CTNNA3: variants seen among roughly 807,000 people sequenced by gnomAD.
The protein encoded by CTNNA3 is catenin alpha 3.
CTNNA3 carries 76 observed loss-of-function variants against 95.7 expected under a neutral mutation model. The ratio of observed to expected loss-of-function variants is 0.79; its 90% CI spans 0.66 to 0.96. The LOEUF (loss-of-function observed/expected upper bound fraction) is 0.96. Among genes scored for constraint, CTNNA3 ranks in the 40% least tolerant of loss-of-function variants. The pLI, the probability that CTNNA3 is intolerant of heterozygous loss-of-function variation, is 0.00. For synonymous variants in CTNNA3, 431 were observed against 374.4 expected (o/e 1.15, Z -1.74); for missense variants, 1,191 against 1,089.8 (o/e 1.09, Z -1.31).
At chr10:66,745,957 A>G (rs1488014424) in intron 9 of CTNNA3, among the ~76,000 whole-genome samples, 1 of 152,086 alleles carries the variant, frequency 6.6e-6, no homozygotes, top group Non-Finnish European at 1.5e-5. Flanking sequence ...GACACACAAT[A>G]TTATCCATGA....
chr10:66,755,449 G>A lies in CTNNA3; in HGVS notation c.1281+10815C>T, dbSNP rs149393319. 1.3e-3 allele frequency among the ~76,000 whole-genome samples: 200 copies of A among 152,120 alleles called. 6 individuals carry two copies. The East Asian group carries it at 0.032, about 24-fold the overall frequency. On this transcript the variant is annotated intron_variant, in intron 9 of 17. Transcript: ENST00000433211. ...TTGTATAAAACATGACTTATATCTC[G>A]ATAATAGATATCTCAAAAAAGATCA...
intron 12 of CTNNA3, among the ~76,000 whole-genome samples, chr10:66,362,455 A>C (rs1419931517): frequency 6.6e-6 from 1 of 151,588 alleles, no homozygotes; most frequent in African/African-American, 2.4e-5. Context: ...GCATGCCTGT[A>C]ATCCCAGCAC....
intron 1 of CTNNA3, among the ~76,000 whole-genome samples, chr10:67,662,676 T>G (rs968339199): frequency 1.3e-5 from 2 of 152,176 alleles, no homozygotes; most frequent in Non-Finnish European, 2.9e-5. Flanking sequence ...AAAAACAGAT[T>G]GGTAGTTGCC....
intron 13 of CTNNA3, among the ~76,000 whole-genome samples, chr10:66,198,698 A>C (rs1349193355): frequency 6.6e-6 from 1 of 152,162 alleles, no homozygotes; most frequent in East Asian, 1.9e-4. Context: ...GCAAATATGA[A>C]ACAAAGAGAA....
chr10:66,570,039 T>C (rs1450627821), intron 10 of CTNNA3, among the ~76,000 whole-genome samples: 1 of 152,140 alleles, frequency 6.6e-6, no homozygotes, highest in Non-Finnish European at 1.5e-5. Flanking sequence ...TGTGCAGCCA[T>C]TAAGAATGAC....
At chr10:66,421,307 C>T (rs2132632174) in intron 11 of CTNNA3, among the ~76,000 whole-genome samples, 1 of 152,148 alleles carries the variant, frequency 6.6e-6, no homozygotes, top group South Asian at 2.1e-4. Flanking sequence ...TAAGTACAAA[C>T]ATGTAATTAG....
intron 12 of CTNNA3, among the ~76,000 whole-genome samples, chr10:66,331,259 G>T (rs1482864788): frequency 6.6e-6 from 1 of 150,944 alleles, no homozygotes; most frequent in Non-Finnish European, 1.5e-5. Context: ...TGTAAGGAAG[G>T]GATCCAGTTT....
chr10:66,189,238 T>A (rs950458015), intron 13 of CTNNA3, among the ~76,000 whole-genome samples: 8 of 150,940 alleles, frequency 5.3e-5, no homozygotes, highest in African/African-American at 2.0e-4. Flanking sequence ...CTCCCACTTG[T>A]TTGCTTCTCT....
chr10:66,714,612 G>A (rs1276714893), intron 9 of CTNNA3, among the ~76,000 whole-genome samples: 1 of 151,992 alleles, frequency 6.6e-6, no homozygotes, highest in Non-Finnish European at 1.5e-5. Context: ...TTTTTGAGCA[G>A]TGCTTCTTAA....
intron 1 of CTNNA3, among the ~76,000 whole-genome samples, chr10:67,661,849 G>A (rs3096247): frequency 0.13 from 20,402 of 152,118 alleles, 2,480 homozygotes; most frequent in African/African-American, 0.32. Context: ...CTCCACACAT[G>A]CTAGAATGGC....
chr10:67,245,612 T>A lies in CTNNA3; in HGVS notation c.580-25742A>T, dbSNP rs1397095612. ...TAGTGGCTCACGCCTGTAATCCCAG[T>A]GCTTTGGGAGGCCGAGGCGGGCGGA... On this transcript the variant is annotated intron_variant, in intron 5 of 17. Coordinates refer to ENST00000433211, the MANE Select transcript of CTNNA3 (RefSeq NM_013266.4). Among the ~76,000 whole-genome samples, 6 of 152,078 alleles carry A rather than the reference T, an allele frequency of 3.9e-5. No individual in the cohort carries two copies. In the East Asian group the frequency reaches 1.2e-3, roughly 29 times the overall value.
At chr10:67,126,171 G>A (rs1362719458) in intron 7 of CTNNA3, among the ~76,000 whole-genome samples, 3 of 152,154 alleles carry the variant, frequency 2.0e-5, no homozygotes, top group African/African-American at 7.2e-5. Context: ...GCTTAAAATA[G>A]TAAGGAATCT....
chr10:66,163,931 G>A (rs181375624), intron 13 of CTNNA3, among the ~76,000 whole-genome samples: 269 of 152,262 alleles, frequency 1.8e-3, no homozygotes, highest in Non-Finnish European at 2.2e-3. Flanking sequence ...AAGTACCATG[G>A]AAGTGTTTGC....
intron 7 of CTNNA3, among the ~76,000 whole-genome samples, chr10:67,051,962 C>T (rs995852418): frequency 3.3e-5 from 5 of 151,082 alleles, no homozygotes; most frequent in African/African-American, 1.2e-4. Context: ...ACCATGTTGG[C>T]CAGGCTGGTC....
At chr10:67,004,211 T>A (rs1243445794) in intron 7 of CTNNA3, among the ~76,000 whole-genome samples, 1 of 152,178 alleles carries the variant, frequency 6.6e-6, no homozygotes, top group African/African-American at 2.4e-5. Context: ...AAGGCCTGAA[T>A]TTTGATTTCT....
intron 6 of CTNNA3, among the ~76,000 whole-genome samples, chr10:67,208,815 TGAAA>T (rs66463713): frequency 0.048 from 7,333 of 152,212 alleles, 217 homozygotes; most frequent in South Asian, 0.11. Flanking sequence ...GTATTCCTTA[TGAAA>T]TTAATTAATC....
chr10:67,652,355 G>C (rs1839900551), intron 1 of CTNNA3, among the ~76,000 whole-genome samples: 1 of 152,072 alleles, frequency 6.6e-6, no homozygotes, highest in Non-Finnish European at 1.5e-5. Context: ...CATTTCTCAG[G>C]GATTCCCAAG....
At chr10:66,240,149 GC>G (rs1221832155) in intron 13 of CTNNA3, among the ~76,000 whole-genome samples, 1 of 151,806 alleles carries the variant, frequency 6.6e-6, no homozygotes. Context: ...ATTTATAGCT[GC>G]TTAGTAGGAA....
intron 3 of CTNNA3, among the ~76,000 whole-genome samples, chr10:67,604,414 T>C (rs571055619): frequency 6.6e-6 from 1 of 152,316 alleles, no homozygotes; most frequent in South Asian, 2.1e-4. Context: ...TTGAAAAAGA[T>C]AGTCCCCCTG....
Sources: gnomAD v4.1 joint callset for allele counts (sites outside exome capture counted in the v4.1 genomes callset) on GRCh38, gnomAD v4.1.1 for gene constraint, MANE v1.5 for transcripts, NCBI Gene and HGNC (gene_info 2026-07-23, HGNC 2026-07-21) for gene names.